The following PPP1R16B variants were observed in gnomAD, a reference collection of about 807,000 sequenced individuals.
PPP1R16B encodes protein phosphatase 1 regulatory subunit 16B.
A neutral mutation model predicts 61.7 loss-of-function variants in PPP1R16B; 14 were observed. That is an observed-to-expected ratio of 0.23 (90% confidence interval 0.15 to 0.35). PPP1R16B has a LOEUF of 0.35. Among genes scored for constraint, PPP1R16B ranks in the 10% least tolerant of loss-of-function variants. The pLI is 1.00. For missense variants in PPP1R16B, 547 were observed against 752.5 expected (o/e 0.73, Z 3.19); for synonymous variants, 266 against 305.3 (o/e 0.87, Z 1.34).
At chr20:38,917,252 C>T (rs1011931928) in intron 10 of PPP1R16B, among the ~76,000 whole-genome samples, 2 of 149,956 alleles carry the variant, frequency 1.3e-5, no homozygotes, top group East Asian at 2.0e-4. Context: ...GCAGAGATTG[C>T]GCCACTGCAC....
intron 4 of PPP1R16B, among the ~76,000 whole-genome samples, chr20:38,900,155 A>T (rs549579508): frequency 6.6e-6 from 1 of 152,190 alleles, no homozygotes; most frequent in African/African-American, 2.4e-5. Context: ...CTGAGCTATT[A>T]TAAGGGTTAA....
chr20:38,878,359 G>A lies in PPP1R16B; in HGVS notation c.251-11236G>A, dbSNP rs115623785. Among the ~76,000 whole-genome samples the A allele has an allele frequency of 7.9e-3, 1,210 of 152,304 alleles. 15 individuals are homozygous for A. Among genetic ancestry groups the A allele is most frequent in the African/African-American group, 0.028 (1,165 of 41,556 alleles). On this transcript the variant is annotated intron_variant, in intron 2 of 10. Transcript: ENST00000299824. ...GAGGTAGTTTTGGGACAGCAGAACAGGACCAGGGAAATCAGAGGGAAGCTT... is the reference window on the plus strand; with the variant it reads ...GAGGTAGTTTTGGGACAGCAGAACAAGACCAGGGAAATCAGAGGGAAGCTT...
intron 2 of PPP1R16B, among the ~76,000 whole-genome samples, chr20:38,862,197 A>G (rs1277670697): frequency 2.6e-5 from 4 of 152,228 alleles, no homozygotes; most frequent in Non-Finnish European, 5.9e-5. Context: ...TGAGGAGGGG[A>G]CAGTTAATGC....
chr20:38,901,255 T>TCCTGCCCTGGC (rs1204552505), intron 5 of PPP1R16B, among the ~76,000 whole-genome samples: 1 of 152,170 alleles, frequency 6.6e-6, no homozygotes, highest in Non-Finnish European at 1.5e-5. Flanking sequence ...GCAGCTGCAG[T>TCCTGCCCTGGC]CCTGCCCTGG....
At chr20:38,831,992 C>T (rs1057492242) in intron 1 of PPP1R16B, among the ~76,000 whole-genome samples, 1 of 152,212 alleles carries the variant, frequency 6.6e-6, no homozygotes, top group Admixed American at 6.5e-5. Context: ...CCACTCTGTA[C>T]ACCTTTGAGC....
chr20:38,855,464 G>A (rs2084997677), intron 2 of PPP1R16B, among the ~76,000 whole-genome samples: 1 of 152,048 alleles, frequency 6.6e-6, no homozygotes, highest in Non-Finnish European at 1.5e-5. Context: ...CCCTGAATGG[G>A]ATTGGTTTCT....
At chr20:38,910,580 C>T (rs1005339030) in intron 10 of PPP1R16B, among the ~76,000 whole-genome samples, 1 of 146,906 alleles carries the variant, frequency 6.8e-6, no homozygotes, top group South Asian at 2.2e-4. Context: ...GTTGCCTGGG[C>T]TGGAGTGCAG....
intron 1 of PPP1R16B, among the ~76,000 whole-genome samples, chr20:38,815,577 T>G (rs1460274649): frequency 6.6e-6 from 1 of 152,258 alleles, no homozygotes; most frequent in Non-Finnish European, 1.5e-5. Context: ...ATTGCTAACC[T>G]GTTCTCCAAA....
intron 2 of PPP1R16B, among the ~76,000 whole-genome samples, chr20:38,847,551 T>G (rs562246425): frequency 5.9e-5 from 9 of 152,192 alleles, no homozygotes; most frequent in Non-Finnish European, 1.3e-4. Context: ...GAGATGGGGT[T>G]TCACCATGTT....
chr20:38,821,060 T>A (rs1490572988), intron 1 of PPP1R16B, among the ~76,000 whole-genome samples: 10 of 120,874 alleles, frequency 8.3e-5, no homozygotes, highest in African/African-American at 2.2e-4. Flanking sequence ...AAAAAAAAAA[T>A]TTGGCCATTC....
At chr20:38,844,417 C>G (rs933041346) in intron 2 of PPP1R16B, among the ~76,000 whole-genome samples, 1 of 152,202 alleles carries the variant, frequency 6.6e-6, no homozygotes, top group Non-Finnish European at 1.5e-5. Flanking sequence ...GTTAAATACT[C>G]AAGTCTGAAT....
intron 1 of PPP1R16B, among the ~76,000 whole-genome samples, chr20:38,828,009 GAGA>G (rs1192566761): frequency 6.6e-6 from 1 of 152,200 alleles, no homozygotes; most frequent in Non-Finnish European, 1.5e-5. Flanking sequence ...ATATTGTGTA[GAGA>G]AGAATAGCTG....
Position 38,811,209 on chromosome 20 carries a change from T to G in PPP1R16B, c.-102+5417T>G, listed in dbSNP as rs571925322. On this transcript the variant is annotated intron_variant, in intron 1 of 10. Coordinates refer to ENST00000299824, the MANE Select transcript of PPP1R16B (RefSeq NM_015568.4). ...GTGGCCCCAGGAAGGAATGAATGAATCTTTTAGGATGGCTGATCAGAGCAT... is the reference window on the plus strand; with the variant it reads ...GTGGCCCCAGGAAGGAATGAATGAAGCTTTTAGGATGGCTGATCAGAGCAT... 7.2e-5 allele frequency among the ~76,000 whole-genome samples: 11 copies of G among 152,222 alleles called. No homozygotes were observed. In the East Asian group the frequency reaches 2.1e-3, roughly 29 times the overall value.
At chr20:38,830,931 T>G (rs955475859) in intron 1 of PPP1R16B, among the ~76,000 whole-genome samples, 3 of 152,174 alleles carry the variant, frequency 2.0e-5, no homozygotes, top group Admixed American at 1.3e-4. Flanking sequence ...TTAGCATGTT[T>G]TTGGTACCTT....
chr20:38,873,744 T>TTTG (rs386393735), intron 2 of PPP1R16B, among the ~76,000 whole-genome samples: 1 of 20,906 alleles, frequency 4.8e-5, no homozygotes, highest in Non-Finnish European at 1.2e-4. Context: ...CTTTTTTTTG[T>TTTG]TTTTTTTTTT....
chr20:38,829,640 G>A (rs1433954702), intron 1 of PPP1R16B, among the ~76,000 whole-genome samples: 5 of 152,214 alleles, frequency 3.3e-5, no homozygotes, highest in African/African-American at 1.2e-4. Context: ...GTGTGGATAG[G>A]TGAGCCCAGG....
chr20:38,831,648 A>G (rs1478227686), intron 1 of PPP1R16B, among the ~76,000 whole-genome samples: 3 of 152,190 alleles, frequency 2.0e-5, no homozygotes, highest in Admixed American at 6.5e-5. Context: ...GCCCGACTCT[A>G]CACCAGTTGA....
chr20:38,810,822 G>A (rs1434182957), intron 1 of PPP1R16B, among the ~76,000 whole-genome samples: 1 of 152,196 alleles, frequency 6.6e-6, no homozygotes, highest in African/African-American at 2.4e-5. Flanking sequence ...TTGCTAAAGG[G>A]CATGCAGCTT....
intron 2 of PPP1R16B, among the ~76,000 whole-genome samples, chr20:38,865,053 A>C (rs572355198): frequency 1.5e-3 from 235 of 152,230 alleles, no homozygotes; most frequent in African/African-American, 5.3e-3. Flanking sequence ...CCCCTTAGCC[A>C]GGCTGGAATT....
Sources: allele counts gnomAD v4.1 joint callset (sites outside exome capture counted in the v4.1 genomes callset), GRCh38; gene constraint gnomAD v4.1.1; transcripts MANE v1.5; gene names NCBI Gene and HGNC (gene_info 2026-07-23, HGNC 2026-07-21).